TNFRSF19: variants seen among roughly 807,000 people sequenced by gnomAD.
TNFRSF19 encodes the protein TNF receptor superfamily member 19.
In TNFRSF19, 27 loss-of-function variants were observed where a neutral mutation model predicts 46.4. The ratio of observed to expected loss-of-function variants is 0.58; its 90% CI spans 0.43 to 0.80. The LOEUF (loss-of-function observed/expected upper bound fraction) is 0.80. TNFRSF19 is among the 30% of genes least tolerant of loss of function. The probability of loss-of-function intolerance (pLI) is 0.00; values close to 1 mark genes in which losing one functional copy is unlikely to be tolerated. For synonymous variants in TNFRSF19, 204 were observed against 205.0 expected (o/e 1.00, Z 0.04); for missense variants, 511 against 530.8 (o/e 0.96, Z 0.37).
rs181548575 is a variant in TNFRSF19, at chr13:23,645,631, C to A, written c.446-13419C>A. 4.2e-4 allele frequency among the ~76,000 whole-genome samples: 64 copies of A among 152,288 alleles called. 1 individual carries two copies. In the South Asian group the frequency reaches 6.6e-3, roughly 16 times the overall value. The stretch of plus-strand genomic sequence containing the variant: ...CTTATCTCAGAGGCTGACTCCTCCT[C>A]TATCAGACTTCCTAATTTCAAAGCC... On this transcript the variant is annotated intron_variant, in intron 5 of 9. Coordinates refer to ENST00000248484, the MANE Select transcript of TNFRSF19 (RefSeq NM_148957.4).
intron 1 of TNFRSF19, among the ~76,000 whole-genome samples, chr13:23,575,739 A>G (rs980006290): frequency 1.3e-5 from 2 of 152,214 alleles, no homozygotes; most frequent in Admixed American, 1.3e-4. Context: ...CTTGCATTCT[A>G]TTCCACTTTT....
At chr13:23,580,918 C>A (rs1878364110) in intron 1 of TNFRSF19, among the ~76,000 whole-genome samples, 1 of 152,208 alleles carries the variant, frequency 6.6e-6, no homozygotes, top group South Asian at 2.1e-4. Flanking sequence ...CATGGCTTTA[C>A]TGACTTTAGG....
chr13:23,588,097 A>G (rs1001696302), intron 1 of TNFRSF19, among the ~76,000 whole-genome samples: 6 of 152,212 alleles, frequency 3.9e-5, no homozygotes, highest in African/African-American at 1.4e-4. Context: ...TATGTGCCAG[A>G]AACGGTTTAC....
At chr13:23,593,209 G>C in intron 2 of TNFRSF19, 136 bp from the exon 3 acceptor site, 1 of 520,822 alleles carries the variant, frequency 1.9e-6, no homozygotes, top group Non-Finnish European at 3.3e-6. Flanking sequence ...TCTTCCTAAA[G>C]TGAACATTGA....
At chr13:23,625,290 C>T (rs1377474763) in intron 4 of TNFRSF19, among the ~76,000 whole-genome samples, 4 of 143,732 alleles carry the variant, frequency 2.8e-5, no homozygotes. Context: ...GCCTAATTAG[C>T]TTTTTTCCTT....
At position 23,593,264 on chromosome 13, in the gene TNFRSF19, A is replaced by G. The variant is rs1049244416; in HGVS notation, c.70-81A>G. 8.0e-6 allele frequency: 6 copies of G among 753,366 alleles called. No individual in the cohort carries two copies. In the African/African-American group the frequency reaches 9.0e-5, roughly 11 times the overall value. 46.7% of individuals were successfully genotyped at this position (753,366 alleles called of 1,614,324 possible). Reference sequence around the variant, plus strand: ...TACATTCAGTGATTGTGTGACTAATATTGAAAATATTGTTCCTTTCTTGCA... The same window carrying G: ...TACATTCAGTGATTGTGTGACTAATGTTGAAAATATTGTTCCTTTCTTGCA... On this transcript the variant is annotated intron_variant, in intron 2 of 9. Transcript: ENST00000248484.
chr13:23,602,767 G>T (rs1030047073), intron 3 of TNFRSF19, among the ~76,000 whole-genome samples: 1 of 152,026 alleles, frequency 6.6e-6, no homozygotes, highest in African/African-American at 2.4e-5. Flanking sequence ...TAACACATGG[G>T]TCAAAGAGGA....
intron 5 of TNFRSF19, among the ~76,000 whole-genome samples, chr13:23,655,184 T>TC (rs1345779244): frequency 2.0e-5 from 3 of 152,188 alleles, no homozygotes; most frequent in African/African-American, 7.2e-5. Flanking sequence ...CAGATTTTCC[T>TC]CAAACTTTTT....
At chr13:23,579,972 C>A (rs1036069360) in intron 1 of TNFRSF19, among the ~76,000 whole-genome samples, 9 of 152,232 alleles carry the variant, frequency 5.9e-5, no homozygotes, top group African/African-American at 2.2e-4. Flanking sequence ...CGGACCAGCG[C>A]CAGCGGCGGG....
chr13:23,574,696 A>G (rs189217462), intron 1 of TNFRSF19, among the ~76,000 whole-genome samples: 105 of 152,202 alleles, frequency 6.9e-4, no homozygotes, highest in Non-Finnish European at 1.1e-3. Context: ...TGTCCCCTTT[A>G]AAGGATGGTT....
In TNFRSF19 at chr13:23,667,983, C is replaced by A; in HGVS notation, c.740C>A (p.Pro247Gln). Residue 247 changes from proline to glutamine, a missense_variant, in exon 8 of 10, where the codon CCG becomes CAG. Physicochemically the swap from Pro to Gln is moderately conservative, Grantham distance 76. This residue lies in a region of TNFRSF19 where 376 missense variants were observed against 372.7 expected (regional missense o/e 1.01). Coordinates refer to ENST00000248484, the MANE Select transcript of TNFRSF19 (RefSeq NM_148957.4). ...CRRDSVQTCG[P>Q]VRLLPSMCCE... Reference sequence around the variant, plus strand: ...ACACCTGTGCTGTCTTCCCTAGGGCCGGTGCGCTTGCTCCCATCCATGTGC... The same window carrying A: ...ACACCTGTGCTGTCTTCCCTAGGGCAGGTGCGCTTGCTCCCATCCATGTGC... The A allele has an allele frequency of 2.5e-6, 4 of 1,603,480 alleles. No homozygotes were observed. Among genetic ancestry groups the A allele is most frequent in the Non-Finnish European group, 3.4e-6 (4 of 1,175,108 alleles).
At position 23,673,423 on chromosome 13, in the gene TNFRSF19, A is replaced by G; in HGVS notation, c.*43A>G. 6.3e-7 allele frequency: 1 copy of G among 1,593,932 alleles called. No individual in the cohort carries two copies. The highest frequency in any genetic ancestry group is 8.6e-7 in the Non-Finnish European group (1 of 1,168,166). On this transcript the variant is annotated 3_prime_UTR_variant, in exon 10 of 10. Transcript: ENST00000248484. ...GCAGTAGAAGCGTGTGCTGGAACCCAAAGAGTACTCCTTTGTTAGGCTTAT... is the reference window on the plus strand; with the variant it reads ...GCAGTAGAAGCGTGTGCTGGAACCCGAAGAGTACTCCTTTGTTAGGCTTAT...
chr13:23,591,165 AG>A (rs1413800707), intron 2 of TNFRSF19, among the ~76,000 whole-genome samples: 1 of 152,208 alleles, frequency 6.6e-6, no homozygotes, highest in Admixed American at 6.5e-5. Context: ...TTGAAAGACA[AG>A]GTTAGGCTGG....
At chr13:23,643,184 A>G (rs1883125417) in intron 5 of TNFRSF19, among the ~76,000 whole-genome samples, 2 of 152,254 alleles carry the variant, frequency 1.3e-5, no homozygotes. Flanking sequence ...AGATTTTCCA[A>G]GAGCAGAGAT....
At chr13:23,608,879 C>G (rs1023674642) in intron 3 of TNFRSF19, among the ~76,000 whole-genome samples, 1 of 152,158 alleles carries the variant, frequency 6.6e-6, no homozygotes, top group Non-Finnish European at 1.5e-5. Flanking sequence ...TGCTGGTCAG[C>G]CTTCTTCCTG....
intron 5 of TNFRSF19, 151 bp from the exon 6 acceptor site, chr13:23,658,899 G>T (rs1884154130): frequency 2.2e-6 from 2 of 906,680 alleles, no homozygotes. Flanking sequence ...ACATCTTCTG[G>T]GTGGAGGGGG....
At chr13:23,607,988 G>C (rs1880630548) in intron 3 of TNFRSF19, among the ~76,000 whole-genome samples, 3 of 152,084 alleles carry the variant, frequency 2.0e-5, no homozygotes, top group Admixed American at 2.0e-4. Context: ...TCCATTGTTA[G>C]TTAGGTTTCT....
At chr13:23,658,045 C>T (rs1884098013) in intron 5 of TNFRSF19, among the ~76,000 whole-genome samples, 1 of 152,116 alleles carries the variant, frequency 6.6e-6, no homozygotes, top group Non-Finnish European at 1.5e-5. Flanking sequence ...GTAACTGCCC[C>T]TCTGTGTAGA....
rs549982343 is a variant in TNFRSF19, at chr13:23,675,571, G to A, written c.*2191G>A. 6.6e-6 allele frequency: 1 copy of A among 152,246 alleles called. No individual in the cohort carries two copies. Among genetic ancestry groups the A allele is most frequent in the Admixed American group, 6.5e-5 (1 of 15,298 alleles). The allele number at this position is 152,246 out of a possible 1,614,324, so 9.4% of individuals were successfully genotyped here. ...AAGACATTTTACCCTACCTACTCTAGAAATATACAACAATGTTATATTTTA... is the reference window on the plus strand; with the variant it reads ...AAGACATTTTACCCTACCTACTCTAAAAATATACAACAATGTTATATTTTA... On this transcript the variant is annotated 3_prime_UTR_variant, in exon 10 of 10. Transcript: ENST00000248484.
Sources: allele counts gnomAD v4.1 joint callset (sites outside exome capture counted in the v4.1 genomes callset), GRCh38; gene constraint gnomAD v4.1.1; regional missense constraint gnomAD v4.1.1; transcripts MANE v1.5; gene names NCBI Gene and HGNC (gene_info 2026-07-23, HGNC 2026-07-21).